MPRIP: variants seen among roughly 807,000 people sequenced by gnomAD.
MPRIP encodes myosin phosphatase Rho interacting protein, also known as myosin phosphatase Rho-interacting protein.
Under a neutral mutation model 234.9 loss-of-function variants are expected in MPRIP, and 59 were observed. That is an observed-to-expected ratio of 0.25 (90% CI 0.20 to 0.31). The LOEUF is 0.31. Ranked by LOEUF, MPRIP falls within the 10% of genes least tolerant of loss-of-function variation. MPRIP has a pLI of 1.00. For missense variants in MPRIP, 2,436 were observed against 3,071.0 expected, an observed-to-expected ratio of 0.79 and a Z score of 4.89; for synonymous variants, 1,144 against 1,263.9, an observed-to-expected ratio of 0.91 and a Z score of 2.01.
intron 23 of MPRIP, chr17:17,180,690 C>T: frequency 1.2e-6 from 2 of 1,601,536 alleles, no homozygotes; most frequent in South Asian, 1.1e-5. Flanking sequence ...TCTCCCACCG[C>T]CTGCATGCAC....
chr17:17,171,685 A>G, intron 16 of MPRIP, 33 bp from the exon 17 acceptor site: 1 of 1,600,938 alleles, frequency 6.2e-7, no homozygotes, highest in South Asian at 1.1e-5. Flanking sequence ...AGGTAAAGAA[A>G]GAAGTCGATG....
intron 3 of MPRIP, among the ~76,000 whole-genome samples, chr17:17,103,067 GT>G: frequency 6.6e-6 from 1 of 152,212 alleles, no homozygotes; most frequent in East Asian, 1.9e-4. Context: ...CAGCTAGCCT[GT>G]TTCCTCCATG....
chr17:17,107,312 CAA>C (rs2090081900), intron 3 of MPRIP, among the ~76,000 whole-genome samples: 1 of 152,304 alleles, frequency 6.6e-6, no homozygotes, highest in South Asian at 2.1e-4. Flanking sequence ...TCACTGAAGA[CAA>C]GAGTCTTCAG....
Position 17,166,958 on chromosome 17 carries a change from G to A in MPRIP, c.5367G>A (p.Lys1789=), listed in dbSNP as rs1245462664. The A allele has an allele frequency of 7.7e-7, 1 of 1,304,222 alleles. No individual in the cohort carries two copies. The allele number at this position is 1,304,222 out of a possible 1,614,324, so 80.8% of individuals were successfully genotyped here. A position where few individuals can be genotyped will look rare whatever the true frequency, so the allele number is the denominator to read the frequency against. Residue 1789 remains lysine, a synonymous_variant, in exon 16 of 24, where the codon AAG becomes AAA. Coordinates refer to ENST00000651222, the MANE Select transcript of MPRIP (RefSeq NM_001364716.4). This position sits in a 1 kb window ranked among gnomAD's most constrained non-coding sequence, Gnocchi z 4.4. ...QEELAQQLKE[K]ASLLEEIAAA... ...AGCTTGCCCAGCAGCTGAAGGAGAA[G>A]GCCAGCCTCTTAGAGGAGATAGCGG...
chr17:17,052,623 C>G (rs1296830548), intron 1 of MPRIP, among the ~76,000 whole-genome samples: 1 of 152,204 alleles, frequency 6.6e-6, no homozygotes, highest in Non-Finnish European at 1.5e-5. Flanking sequence ...GGCCTTGCCC[C>G]AACTTGGACT....
intron 3 of MPRIP, among the ~76,000 whole-genome samples, chr17:17,083,117 C>T (rs897877641): frequency 1.3e-5 from 2 of 152,218 alleles, no homozygotes; most frequent in African/African-American, 4.8e-5. Context: ...TTGAGCATCA[C>T]GAGAGATGAG....
intron 4 of MPRIP, among the ~76,000 whole-genome samples, chr17:17,127,696 G>T (rs1269875504): frequency 1.3e-5 from 2 of 152,256 alleles, no homozygotes; most frequent in Non-Finnish European, 2.9e-5. Flanking sequence ...AGCTCTGGGA[G>T]AAAGTAAACC....
chr17:17,121,748 T>G, intron 3 of MPRIP, among the ~76,000 whole-genome samples: 1 of 152,220 alleles, frequency 6.6e-6, no homozygotes, highest in East Asian at 1.9e-4. Context: ...GTACAGGTTA[T>G]TTCATCACCC....
intron 3 of MPRIP, among the ~76,000 whole-genome samples, chr17:17,100,101 C>T (rs1234140339): frequency 6.6e-6 from 1 of 152,152 alleles, no homozygotes; most frequent in Non-Finnish European, 1.5e-5. Flanking sequence ...CTCCACCCTG[C>T]ACTATAGCTG....
At chr17:17,125,355 C>A (rs562478668) in intron 3 of MPRIP, among the ~76,000 whole-genome samples, 1 of 152,222 alleles carries the variant, frequency 6.6e-6, no homozygotes, top group Non-Finnish European at 1.5e-5. Flanking sequence ...GCTGGACCCA[C>A]GGGGGATGGC....
rs550973750 is a variant in MPRIP, at chr17:17,046,831, C to T, written c.123+3860C>T. Among the ~76,000 whole-genome samples, 11 of 152,298 alleles carry T rather than the reference C, an allele frequency of 7.2e-5. No homozygotes were observed. In the South Asian group the frequency reaches 8.3e-4, roughly 11 times the overall value. ...TTTGCCGTCTCATCACAAAGGCAGC[C>T]GTAGACAACACATTAACGAATGAGT... On this transcript the variant is annotated intron_variant, in intron 1 of 23. Transcript: ENST00000651222.
At position 17,185,180 on chromosome 17, in the gene MPRIP, T is replaced by C. The variant is rs2046452325; in HGVS notation, c.*286T>C. 2.9e-5 allele frequency: 10 copies of C among 347,114 alleles called. No individual in the cohort carries two copies. Among genetic ancestry groups the C allele is most frequent in the South Asian group, 2.0e-4 (8 of 41,016 alleles). 21.5% of individuals were successfully genotyped at this position (347,114 alleles called of 1,614,324 possible). ...ATCTGTGTTAGTCCTTTCCTGGCTG[T>C]GACCCGCCACACTCACTGTCAGTAT... On this transcript the variant is annotated 3_prime_UTR_variant, in exon 24 of 24. Transcript: ENST00000651222.
At chr17:17,044,816 T>C (rs1210721189) in intron 1 of MPRIP, among the ~76,000 whole-genome samples, 1 of 152,164 alleles carries the variant, frequency 6.6e-6, no homozygotes, top group African/African-American at 2.4e-5. Context: ...CTCACTGTAT[T>C]CAAAGTTGAA....
chr17:17,086,554 G>A (rs982763181), intron 3 of MPRIP, among the ~76,000 whole-genome samples: 1 of 152,212 alleles, frequency 6.6e-6, no homozygotes, highest in Non-Finnish European at 1.5e-5. Flanking sequence ...GGCCCTGCTC[G>A]ACTGAGCTTC....
At chr17:17,162,235 C>T (rs1433943424) in intron 15 of MPRIP, among the ~76,000 whole-genome samples, 2 of 152,202 alleles carry the variant, frequency 1.3e-5, no homozygotes, top group Non-Finnish European at 1.5e-5. Flanking sequence ...GCATGTGTCC[C>T]CTCCTCTACA....
chr17:17,126,419 C>T (rs1159975236), intron 3 of MPRIP, among the ~76,000 whole-genome samples: 5 of 152,132 alleles, frequency 3.3e-5, no homozygotes, highest in Non-Finnish European at 1.5e-5. Flanking sequence ...CCCCTGTCAC[C>T]GCAGCTGTCC....
rs537972547 is a variant in MPRIP, at chr17:17,108,869, C to T, written c.268-17833C>T. 1.1e-4 allele frequency among the ~76,000 whole-genome samples: 16 copies of T among 152,368 alleles called. No individual in the cohort carries two copies. The South Asian group carries it at 3.1e-3, about 30-fold the overall frequency. ...GGCAGCGCCCTCTCCCTCTCAGGCT[C>T]AGGCAGACTTGGAGACCAGGCAAGC... On this transcript the variant is annotated intron_variant, in intron 3 of 23. Coordinates refer to ENST00000651222, the MANE Select transcript of MPRIP (RefSeq NM_001364716.4).
intron 13 of MPRIP, among the ~76,000 whole-genome samples, chr17:17,157,528 A>T (rs1409334608): frequency 6.6e-6 from 1 of 152,148 alleles, no homozygotes; most frequent in African/African-American, 2.4e-5. Flanking sequence ...CAGCAGCTGG[A>T]TTGGGCTTTT....
At chr17:17,106,123 C>T (rs984935462) in intron 3 of MPRIP, among the ~76,000 whole-genome samples, 6 of 151,976 alleles carry the variant, frequency 3.9e-5, no homozygotes, top group African/African-American at 7.3e-5. Flanking sequence ...TTGTCCAGGG[C>T]GAAGTGTCTG....
Sources: allele counts gnomAD v4.1 joint callset (sites outside exome capture counted in the v4.1 genomes callset), GRCh38; gene constraint gnomAD v4.1.1; non-coding constraint Gnocchi (gnomAD v3.1); transcripts MANE v1.5; gene names NCBI Gene and HGNC (gene_info 2026-07-23, HGNC 2026-07-21).